CRACDL: variants seen among roughly 807,000 people sequenced by gnomAD.
CRACDL encodes the protein CRACD like.
Under a neutral mutation model 70.6 loss-of-function variants are expected in CRACDL, and 26 were observed. That is an observed-to-expected ratio of 0.37 (90% CI 0.27 to 0.51). CRACDL has a LOEUF of 0.51. CRACDL is among the 20% of genes least tolerant of loss of function. CRACDL has a pLI of 0.94. For missense variants in CRACDL, 1,283 were observed against 1,376.9 expected, an observed-to-expected ratio of 0.93 and a Z score of 1.08; for synonymous variants, 618 against 615.2, an observed-to-expected ratio of 1.00 and a Z score of -0.07.
chr2:98,905,651 CAG>C (rs1235958428), intron 1 of CRACDL, among the ~76,000 whole-genome samples: 3 of 138,136 alleles, frequency 2.2e-5, no homozygotes, highest in Admixed American at 7.6e-5. Context: ...TTTTTTGAGA[CAG>C]AGTCTCGTTC....
intron 7 of CRACDL, among the ~76,000 whole-genome samples, chr2:98,801,189 A>G (rs1238296777): frequency 2.0e-5 from 3 of 152,122 alleles, no homozygotes; most frequent in African/African-American, 7.2e-5. Context: ...CAGGAATGCA[A>G]GAGGGCCCTT....
intron 1 of CRACDL, among the ~76,000 whole-genome samples, chr2:98,861,861 C>T (rs1225982236): frequency 6.6e-6 from 1 of 152,190 alleles, no homozygotes; most frequent in African/African-American, 2.4e-5. Context: ...CCAGGAGCAG[C>T]TTGTATGCAG....
At chr2:98,903,813 T>C (rs1453092685) in intron 1 of CRACDL, among the ~76,000 whole-genome samples, 3 of 152,252 alleles carry the variant, frequency 2.0e-5, no homozygotes, top group Non-Finnish European at 4.4e-5. Context: ...AAAGATATTC[T>C]TTCCAGGATC....
In CRACDL at chr2:98,821,927, G is replaced by T; in HGVS notation, c.2346C>A (p.Ala782=). ...TCCTGGGTTCCCGCTCTCCCGGGCC[G>T]GCGTCGGGGGGCGCGGGCTGGTGCG... ...TLPHQPAPPD[A]GPGEREPRKE... is the part of the protein sequence containing the mutation. Residue 782 remains alanine, a synonymous_variant, in exon 7 of 10, where the codon GCC becomes GCA. Transcript: ENST00000397899. The T allele has an allele frequency of 6.4e-7, 1 of 1,574,292 alleles. No individual in the cohort carries two copies. The highest frequency in any genetic ancestry group is 2.3e-5 in the East Asian group (1 of 42,868).
intron 1 of CRACDL, among the ~76,000 whole-genome samples, chr2:98,899,265 AAGAGCTCTTAACCT>A (rs1708204859): frequency 1.3e-5 from 2 of 152,260 alleles, no homozygotes; most frequent in African/African-American, 2.4e-5. Flanking sequence ...GGGGTGACAC[AAGAGCTCTTAACCT>A]CAGACGTTAA....
chr2:98,932,833 T>C (rs367785670), intron 1 of CRACDL, among the ~76,000 whole-genome samples: 29 of 152,280 alleles, frequency 1.9e-4, no homozygotes, highest in African/African-American at 7.0e-4. Flanking sequence ...CCCAAAGCCA[T>C]GATGTGCAGA....
intron 1 of CRACDL, among the ~76,000 whole-genome samples, chr2:98,889,303 GAA>G (rs1707893851): frequency 1.9e-5 from 1 of 52,868 alleles, no homozygotes; most frequent in Non-Finnish European, 3.4e-5. Flanking sequence ...AAGAAAGAAA[GAA>G]AGAAAGAAAG....
rs35896034 is a variant in CRACDL at position 98,845,197 on chromosome 2, C to CT, written c.70+1533dup. 3.7e-5 allele frequency among the ~76,000 whole-genome samples: 4 copies of CT among 107,458 alleles called. 1 individual carries two copies. The highest frequency in any genetic ancestry group is 2.9e-4 in the Admixed American group (3 of 10,176). 70.5% of individuals were successfully genotyped at this position (107,458 alleles called of 152,430 possible). A position where few individuals can be genotyped will look rare whatever the true frequency, so the allele number is the denominator to read the frequency against. On this transcript the variant is annotated intron_variant, in intron 2 of 9. Transcript: ENST00000397899. ...TTTTCCTTTTCTTTTCTTTCTTCTT[C>CT]TTCTTTTTTTTTTTTTTGGAGGCAG...
At chr2:98,855,723 A>G (rs980827102) in intron 1 of CRACDL, among the ~76,000 whole-genome samples, 2 of 152,236 alleles carry the variant, frequency 1.3e-5, no homozygotes, top group African/African-American at 2.4e-5. Flanking sequence ...ATAAAGGAAG[A>G]CATGCTTAAA....
chr2:98,803,555 G>T (rs750591525), intron 7 of CRACDL, among the ~76,000 whole-genome samples: 3 of 152,190 alleles, frequency 2.0e-5, no homozygotes, highest in African/African-American at 2.4e-5. Context: ...GGAGAAAAAA[G>T]CTTCCCATAA....
chr2:98,865,137 C>A lies in CRACDL; in HGVS notation c.-10-18327G>T, dbSNP rs142553206. The stretch of plus-strand genomic sequence containing the variant: ...AAGCCCTGTGCACACCAGCAGAATG[C>A]GTGCCTCAGCCCTGCTCTCCCTCCA... On this transcript the variant is annotated intron_variant, in intron 1 of 9. Transcript: ENST00000397899. 2.6e-3 allele frequency among the ~76,000 whole-genome samples: 396 copies of A among 152,216 alleles called. 1 individual carries two copies. The highest frequency in any genetic ancestry group is 9.0e-3 in the African/African-American group (375 of 41,554).
intron 1 of CRACDL, among the ~76,000 whole-genome samples, chr2:98,882,004 TG>T (rs1707665420): frequency 1.3e-5 from 2 of 152,178 alleles, no homozygotes; most frequent in Admixed American, 6.5e-5. Flanking sequence ...GTAGAGTTGA[TG>T]GGACTAAAAC....
chr2:98,899,603 C>G (rs1355963727), intron 1 of CRACDL, among the ~76,000 whole-genome samples: 1 of 152,146 alleles, frequency 6.6e-6, no homozygotes, highest in African/African-American at 2.4e-5. Flanking sequence ...GCAAGATGTG[C>G]TCAGCAGTCA....
In CRACDL at chr2:98,794,435, C is replaced by CT; in HGVS notation, c.*96dup. The CT allele has an allele frequency of 8.9e-7, 1 of 1,123,554 alleles. No homozygotes were observed. The highest frequency in any genetic ancestry group is 1.5e-5 in the South Asian group (1 of 66,648). 69.6% of individuals were successfully genotyped at this position (1,123,554 alleles called of 1,614,324 possible). ...GTCATAACTTGATGATAAAATCAATCTTTAAGTTTCACAGTTTGTTTGCCA... is the reference window on the plus strand; with the variant it reads ...GTCATAACTTGATGATAAAATCAATCTTTTAAGTTTCACAGTTTGTTTGCCA... On this transcript the variant is annotated 3_prime_UTR_variant, in exon 10 of 10. Transcript: ENST00000397899.
intron 7 of CRACDL, among the ~76,000 whole-genome samples, chr2:98,804,595 T>C (rs563213665): frequency 1.3e-4 from 20 of 152,308 alleles, no homozygotes; most frequent in Admixed American, 1.2e-3. Flanking sequence ...TTCTTGGTGA[T>C]TCTGCTGGTT....
intron 7 of CRACDL, among the ~76,000 whole-genome samples, chr2:98,802,856 T>TATAA (rs1704136441): frequency 6.6e-6 from 1 of 152,252 alleles, no homozygotes; most frequent in African/African-American, 2.4e-5. Flanking sequence ...TGGCTGAGGA[T>TATAA]ATAAAGCACA....
In CRACDL at chr2:98,832,970, C is replaced by T. The variant is rs1253697551; in HGVS notation, c.267G>A (p.Arg89=). Residue 89 remains arginine (R), a synonymous_variant, in exon 4 of 10, where the codon CGG becomes CGA. Transcript: ENST00000397899. The part of the protein sequence containing the change: ...LEESRGTLGS[R]ALSHDSIFIP... ...TGAAAATACTGTCGTGAGAAAGGGC[C>T]CGGCTGCCCAGCGTGCCCCTCGACT... The T allele has an allele frequency of 6.2e-7, 1 of 1,613,870 alleles. No homozygotes were observed.
chr2:98,813,697 G>A (rs1371833397), intron 7 of CRACDL, among the ~76,000 whole-genome samples: 1 of 152,120 alleles, frequency 6.6e-6, no homozygotes, highest in Non-Finnish European at 1.5e-5. Context: ...TTTCTGTATT[G>A]TCTTTAATTC....
At chr2:98,840,437 A>G (rs1705976778) in intron 2 of CRACDL, among the ~76,000 whole-genome samples, 2 of 152,154 alleles carry the variant, frequency 1.3e-5, no homozygotes, top group Admixed American at 1.3e-4. Context: ...ATTTTTAAAA[A>G]TGTTCCTGGT....
Sources: allele counts gnomAD v4.1 joint callset (sites outside exome capture counted in the v4.1 genomes callset), GRCh38; gene constraint gnomAD v4.1.1; transcripts MANE v1.5; gene names NCBI Gene and HGNC (gene_info 2026-07-23, HGNC 2026-07-21).